Variants in VPS26B observed in about 807,000 individuals in gnomAD.
The protein encoded by VPS26B is VPS26 retromer complex component B.
A neutral mutation model predicts 33.3 loss-of-function variants in VPS26B; 10 were observed. That is an observed-to-expected ratio of 0.30 (90% CI 0.19 to 0.51). The LOEUF (loss-of-function observed/expected upper bound fraction) is 0.51, where lower values mean the gene tolerates loss of function less well. VPS26B is among the 20% of genes least tolerant of loss of function. The pLI, the probability that VPS26B is intolerant of heterozygous loss-of-function variation, is 0.98. For synonymous variants in VPS26B, 190 were observed against 176.9 expected (o/e 1.07, Z -0.59); for missense variants, 317 against 452.7 (o/e 0.70, Z 2.72).
chr11:134,245,664 G>A lies in VPS26B; in HGVS notation c.*74G>A. 6 of 1,497,222 alleles carry A rather than the reference G, an allele frequency of 4.0e-6. No individual in the cohort carries two copies. The highest frequency in any genetic ancestry group is 5.4e-6 in the Non-Finnish European group (6 of 1,120,860). The allele number at this position is 1,497,222 out of a possible 1,614,324, so 92.7% of individuals were successfully genotyped here. ...ACCAACACCAGCGGCTGGGGGCGGG[G>A]GCGGACCTTGTGAGGCTCAGTTGAC... is the stretch of plus-strand genomic sequence containing the variant. On this transcript the variant is annotated 3_prime_UTR_variant, in exon 6 of 6. Coordinates refer to ENST00000281187, the MANE Select transcript of VPS26B (RefSeq NM_052875.5). The surrounding 1 kb of genome is among the most constrained non-coding windows in gnomAD (Gnocchi z 4.7).
In VPS26B at chr11:134,244,740, CATGACCTGGA is replaced by C. The variant is rs1938784640; in HGVS notation, c.722-197_722-188del. 3 of 606,298 alleles carry C rather than the reference CATGACCTGGA, an allele frequency of 4.9e-6. No homozygotes were observed. The highest frequency in any genetic ancestry group is 8.3e-6 in the Non-Finnish European group (3 of 363,102). 37.6% of individuals were successfully genotyped at this position (606,298 alleles called of 1,614,324 possible). A position where few individuals can be genotyped will look rare whatever the true frequency, so the allele number is the denominator to read the frequency against. On this transcript the variant is annotated intron_variant, in intron 4 of 5. Transcript: ENST00000281187. This position sits in a 1 kb window ranked among gnomAD's most constrained non-coding sequence, Gnocchi z 4.0. ...TTCGAGAAGACATGAGAAGCTGCAA[CATGACCTGGA>C]GTGGAACTGGAGAGTCACATTTTTG...
Position 134,225,053 on chromosome 11 carries a change from T to C in VPS26B, c.-70T>C, listed in dbSNP as rs1938413370. The C allele has an allele frequency of 2.1e-6, 3 of 1,454,610 alleles. No homozygotes were observed. Among genetic ancestry groups the C allele is most frequent in the East Asian group, 5.1e-5 (2 of 39,250 alleles). The allele number at this position is 1,454,610 out of a possible 1,614,324, so 90.1% of individuals were successfully genotyped here. A position where few individuals can be genotyped will look rare whatever the true frequency, so the allele number is the denominator to read the frequency against. Reference sequence around the variant, plus strand: ...GCGCATCGGGCCCTCTGGCCTTCTTTACCTAGGGCAGCCCGCGCCCCGGTG... The same window carrying C: ...GCGCATCGGGCCCTCTGGCCTTCTTCACCTAGGGCAGCCCGCGCCCCGGTG... On this transcript the variant is annotated 5_prime_UTR_variant, in exon 1 of 6. Coordinates refer to ENST00000281187, the MANE Select transcript of VPS26B (RefSeq NM_052875.5).
At position 134,235,034 on chromosome 11, in the gene VPS26B, G is replaced by C; in HGVS notation, c.361G>C (p.Gly121Arg). ...GGAGAAGCCGTATGAGTCCTACACAGGGCAGAATGTGAAGCTACGGTAAGT... is the reference window on the plus strand; with the variant it reads ...GGAGAAGCCGTATGAGTCCTACACACGGCAGAATGTGAAGCTACGGTAAGT... ...HVEKPYESYT[G>R]QNVKLRYFLR... is the part of the protein sequence containing the mutation. Residue 121 changes from glycine (G) to arginine (R), a missense_variant, in exon 2 of 6, where the codon GGG becomes CGG. Transcript: ENST00000281187. 6.2e-7 allele frequency: 1 copy of C among 1,613,756 alleles called. No individual in the cohort carries two copies. Among genetic ancestry groups the C allele is most frequent in the Non-Finnish European group, 8.5e-7 (1 of 1,179,804 alleles).
chr11:134,243,584 A>G lies in VPS26B; in HGVS notation c.721+290A>G, dbSNP rs570206404. On this transcript the variant is annotated intron_variant, in intron 4 of 5. Coordinates refer to ENST00000281187, the MANE Select transcript of VPS26B (RefSeq NM_052875.5). ...CCTCAAGCGTCACTTTGGAAGGTCC[A>G]GGTTTAGCAGATGTGGTTTGAAAAC... The G allele has an allele frequency of 6.6e-5, 23 of 347,964 alleles. No individual in the cohort carries two copies. In the South Asian group the frequency reaches 1.7e-3, roughly 25 times the overall value. 21.6% of individuals were successfully genotyped at this position (347,964 alleles called of 1,614,324 possible).
intron 2 of VPS26B, among the ~76,000 whole-genome samples, chr11:134,239,220 C>G (rs994003590): frequency 6.6e-6 from 1 of 152,150 alleles, no homozygotes; most frequent in Non-Finnish European, 1.5e-5. Context: ...TTCAACAGAC[C>G]AGGTCCTGTC....
rs758627881 is a variant in VPS26B, at chr11:134,225,131, C to A, written c.9C>A (p.Phe3Leu). The stretch of plus-strand genomic sequence containing the variant: ...CCCGGCCCGGCGGTGCGATGAGCTT[C>A]TTCGGCTTCGGGCAGAGCGTGGAGG... MS[F>L]FGFGQSVEVE... Residue 3 changes from phenylalanine to leucine, a missense_variant, in exon 1 of 6, where the codon TTC becomes TTA. Transcript: ENST00000281187. 60 of 1,606,122 alleles carry A rather than the reference C, an allele frequency of 3.7e-5. No individual in the cohort carries two copies. Among genetic ancestry groups the A allele is most frequent in the Non-Finnish European group, 5.0e-5 (59 of 1,174,914 alleles).
intron 1 of VPS26B, among the ~76,000 whole-genome samples, chr11:134,229,813 T>C (rs1190264768): frequency 6.6e-6 from 1 of 152,194 alleles, no homozygotes; most frequent in Admixed American, 6.5e-5. Context: ...TTGTCAGTCC[T>C]TTCTTAAAAT....
At chr11:134,231,802 A>T (rs1160857069) in intron 1 of VPS26B, among the ~76,000 whole-genome samples, 3 of 152,172 alleles carry the variant, frequency 2.0e-5, no homozygotes, top group Non-Finnish European at 4.4e-5. Context: ...TGACCTCGTG[A>T]TCCACCCGCC....
rs369560103 is a variant in VPS26B, at chr11:134,245,403, T to C, written c.865-41T>C. On this transcript the variant is annotated intron_variant, in intron 5 of 5. Transcript: ENST00000281187. This position sits in a 1 kb window ranked among gnomAD's most constrained non-coding sequence, Gnocchi z 4.7. ...CCTCTAGGAAACCTGTCCCCATGCC[T>C]CCCTCTAAGGTGTCACATTGCCCCC... The C allele has an allele frequency of 1.3e-5, 21 of 1,607,292 alleles. No homozygotes were observed. In the African/African-American group the frequency reaches 2.8e-4, roughly 21 times the overall value.
chr11:134,245,549 C>T lies in VPS26B; in HGVS notation c.970C>T (p.Arg324Trp), dbSNP rs773146019. The change falls in exon 6 of 6, where the codon CGG becomes TGG. Residue 324 changes from arginine to tryptophan, a missense_variant. Arg to Trp is a moderately radical substitution (Grantham distance 101). Transcript: ENST00000281187. This position sits in a 1 kb window ranked among gnomAD's most constrained non-coding sequence, Gnocchi z 4.7. ...GGGCACCACCTCCCTGGGTGAGGTGCGGACCCCCAGCCAGCTGTCTGACAA... is the reference window on the plus strand; with the variant it reads ...GGGCACCACCTCCCTGGGTGAGGTGTGGACCCCCAGCCAGCTGTCTGACAA... ...FEGTTSLGEV[R>W]TPSQLSDNNC... 37 of 1,612,854 alleles carry T rather than the reference C, an allele frequency of 2.3e-5. No individual in the cohort carries two copies. Among genetic ancestry groups the T allele is most frequent in the Non-Finnish European group, 3.0e-5 (35 of 1,179,918 alleles).
chr11:134,241,547 C>T (rs1433084629), intron 3 of VPS26B, among the ~76,000 whole-genome samples: 2 of 152,186 alleles, frequency 1.3e-5, no homozygotes, highest in Non-Finnish European at 2.9e-5. Context: ...AGCCTCAGGG[C>T]TCTGCGGTCC....
chr11:134,243,316 T>G, intron 4 of VPS26B, 22 bp downstream of exon 4: 1 of 1,612,982 alleles, frequency 6.2e-7, no homozygotes, highest in Admixed American at 1.7e-5. Flanking sequence ...GGCCCAGGCC[T>G]CGGCTACCAC....
intron 2 of VPS26B, chr11:134,236,820 T>C (rs1938639472): frequency 6.6e-6 from 1 of 151,790 alleles, no homozygotes. Context: ...AAGGAGGAAA[T>C]GGGGGTTGGT....
At chr11:134,235,738 T>C (rs1188158530) in intron 2 of VPS26B, 1 of 152,222 alleles carries the variant, frequency 6.6e-6, no homozygotes, top group Non-Finnish European at 1.5e-5. Context: ...CATAGGTACA[T>C]GGATTGTTTT....
Position 134,245,794 on chromosome 11 carries a change from C to G in VPS26B, c.*204C>G, listed in dbSNP as rs748844969. ...GAAGCAGTCTCTCCTTGGGATTCTG[C>G]GGCCGATGTGGGATAGAAGAGGTAG... On this transcript the variant is annotated 3_prime_UTR_variant, in exon 6 of 6. Coordinates refer to ENST00000281187, the MANE Select transcript of VPS26B (RefSeq NM_052875.5). This position sits in a 1 kb window ranked among gnomAD's most constrained non-coding sequence, Gnocchi z 4.7. 47 of 666,566 alleles carry G rather than the reference C, an allele frequency of 7.1e-5. No homozygotes were observed. Among genetic ancestry groups the G allele is most frequent in the Non-Finnish European group, 1.1e-4 (44 of 409,570 alleles). The allele number at this position is 666,566 out of a possible 1,614,324, so 41.3% of individuals were successfully genotyped here.
Position 134,245,904 on chromosome 11 carries a change from G to A in VPS26B, c.*314G>A, listed in dbSNP as rs1294685918. The A allele has an allele frequency of 6.2e-6, 2 of 323,782 alleles. No individual in the cohort carries two copies. Among genetic ancestry groups the A allele is most frequent in the East Asian group, 1.1e-4 (2 of 17,966 alleles). 20.1% of individuals were successfully genotyped at this position (323,782 alleles called of 1,614,324 possible). A position where few individuals can be genotyped will look rare whatever the true frequency, so the allele number is the denominator to read the frequency against. Reference sequence around the variant, plus strand: ...CGTCTTAGAGGAGGGAGAGCAGAGAGCACGCATCCTTGGCTCCTGGCTCTC... The same window carrying A: ...CGTCTTAGAGGAGGGAGAGCAGAGAACACGCATCCTTGGCTCCTGGCTCTC... On this transcript the variant is annotated 3_prime_UTR_variant, in exon 6 of 6. Transcript: ENST00000281187. This position sits in a 1 kb window ranked among gnomAD's most constrained non-coding sequence, Gnocchi z 4.7.
chr11:134,245,665 G>T lies in VPS26B; in HGVS notation c.*75G>T. On this transcript the variant is annotated 3_prime_UTR_variant, in exon 6 of 6. Transcript: ENST00000281187. This position sits in a 1 kb window ranked among gnomAD's most constrained non-coding sequence, Gnocchi z 4.7. Reference sequence around the variant, plus strand: ...CCAACACCAGCGGCTGGGGGCGGGGGCGGACCTTGTGAGGCTCAGTTGACC... The same window carrying T: ...CCAACACCAGCGGCTGGGGGCGGGGTCGGACCTTGTGAGGCTCAGTTGACC... The T allele has an allele frequency of 6.7e-7, 1 of 1,498,106 alleles. No homozygotes were observed. The highest frequency in any genetic ancestry group is 8.9e-7 in the Non-Finnish European group (1 of 1,121,428). 92.8% of individuals were successfully genotyped at this position (1,498,106 alleles called of 1,614,324 possible).
chr11:134,240,220 A>C lies in VPS26B; in HGVS notation c.545+65A>C. On this transcript the variant is annotated intron_variant, in intron 3 of 5. Coordinates refer to ENST00000281187, the MANE Select transcript of VPS26B (RefSeq NM_052875.5). This position sits in a 1 kb window ranked among gnomAD's most constrained non-coding sequence, Gnocchi z 4.4. ...AGGAGGTTAAGATGGGACTTGATGC[A>C]GATGCAAACTGATGACCCTCTGTGA... The C allele has an allele frequency of 1.3e-6, 2 of 1,559,034 alleles. No homozygotes were observed. The highest frequency in any genetic ancestry group is 1.8e-6 in the Non-Finnish European group (2 of 1,136,938).
Position 134,245,764 on chromosome 11 carries a change from G to A in VPS26B, c.*174G>A. On this transcript the variant is annotated 3_prime_UTR_variant, in exon 6 of 6. Transcript: ENST00000281187. This position sits in a 1 kb window ranked among gnomAD's most constrained non-coding sequence, Gnocchi z 4.7. Reference sequence around the variant, plus strand: ...TCTCTGGAGAACCCAAGGGGCTTGGGGTGGGAAGCAGTCTCTCCTTGGGAT... The same window carrying A: ...TCTCTGGAGAACCCAAGGGGCTTGGAGTGGGAAGCAGTCTCTCCTTGGGAT... The A allele has an allele frequency of 2.2e-6, 2 of 896,956 alleles. No individual in the cohort carries two copies. Among genetic ancestry groups the A allele is most frequent in the Non-Finnish European group, 3.3e-6 (2 of 610,430 alleles). The allele number at this position is 896,956 out of a possible 1,614,324, so 55.6% of individuals were successfully genotyped here. A position where few individuals can be genotyped will look rare whatever the true frequency, so the allele number is the denominator to read the frequency against.
Sources: gnomAD v4.1 joint callset for allele counts (sites outside exome capture counted in the v4.1 genomes callset) on GRCh38, gnomAD v4.1.1 for gene constraint, Gnocchi (gnomAD v3.1) non-coding constraint, MANE v1.5 for transcripts, NCBI Gene and HGNC (gene_info 2026-07-23, HGNC 2026-07-21) for gene names.